The following FANCM variants were observed in gnomAD, a reference collection of about 807,000 sequenced individuals.
FANCM encodes FA complementation group M, also known as Fanconi anemia group M protein.
A neutral mutation model predicts 199.5 loss-of-function variants in FANCM; 140 were observed. The observed-to-expected ratio is 0.70, with a 90% CI of 0.61 to 0.81. The LOEUF (loss-of-function observed/expected upper bound fraction) is 0.81, where lower values mean the gene tolerates loss of function less well. Among genes scored for constraint, FANCM ranks in the 30% least tolerant of loss-of-function variants. The pLI, the probability that FANCM is intolerant of heterozygous loss-of-function variation, is 0.00. For synonymous variants in FANCM, 840 were observed against 836.8 expected (o/e 1.00, Z -0.07); for missense variants, 2,410 against 2,421.4 (o/e 1.00, Z 0.10).
intron 12 of FANCM, 135 bp from the exon 13 acceptor site, chr14:45,172,920 G>T: frequency 1.5e-6 from 1 of 655,338 alleles, no homozygotes; most frequent in Non-Finnish European, 2.7e-6. Context: ...TTTTTCTTCT[G>T]AGATTTTAGT....
chr14:45,174,993 A>G, intron 13 of FANCM, 78 bp from the exon 14 acceptor site: 1 of 776,842 alleles, frequency 1.3e-6, no homozygotes, highest in South Asian at 1.6e-5. Flanking sequence ...TTTAATATAG[A>G]GTGAAACTCC....
chr14:45,166,655 A>G (rs1429820521), intron 10 of FANCM, among the ~76,000 whole-genome samples: 1 of 151,924 alleles, frequency 6.6e-6, no homozygotes, highest in Non-Finnish European at 1.5e-5. Context: ...TCACACCTGT[A>G]GTCCCAGCTA....
rs1277916205 is a variant in FANCM, at chr14:45,185,292, AATG to A, written c.4596_4598del (p.Asp1532del). 4.4e-6 allele frequency: 7 copies of A among 1,598,566 alleles called. No individual in the cohort carries two copies. Among genetic ancestry groups the A allele is most frequent in the Admixed American group, 3.3e-5 (2 of 59,722 alleles). On this transcript the variant is annotated inframe_deletion, in exon 18 of 23. Transcript: ENST00000267430. Reference sequence around the variant, plus strand: ...TGCAGAATATGTTTCATCAGATGAAAATGATGAGTCAGAAAATGAACAAGATTC... The same window carrying A: ...TGCAGAATATGTTTCATCAGATGAAAATGAGTCAGAAAATGAACAAGATTC...
intron 21 of FANCM, 124 bp downstream of exon 21, chr14:45,196,671 C>T: frequency 1.1e-6 from 1 of 910,886 alleles, no homozygotes; most frequent in Non-Finnish European, 1.7e-6. Flanking sequence ...TGGTGAATGT[C>T]ATTTCATATT....
chr14:45,198,565 T>TCGTCG, intron 21 of FANCM, 79 bp from the exon 22 acceptor site: 1 of 839,592 alleles, frequency 1.2e-6, no homozygotes, highest in South Asian at 2.5e-5. Context: ...TCTTGGGATT[T>TCGTCG]TAATAAAATA....
intron 10 of FANCM, 40 bp downstream of exon 10, chr14:45,164,605 T>C (rs1887836438): frequency 6.9e-7 from 1 of 1,457,948 alleles, no homozygotes; most frequent in Non-Finnish European, 9.5e-7. Context: ...CACTTGAAAT[T>C]TGAGAAATAC....
At chr14:45,174,887 A>T (rs1287673294) in intron 13 of FANCM, among the ~76,000 whole-genome samples, 184 bp from the exon 14 acceptor site, 2 of 152,148 alleles carry the variant, frequency 1.3e-5, no homozygotes, top group Admixed American at 1.3e-4. Flanking sequence ...TGATAACTTG[A>T]TAGTTTCACA....
rs989373566 is a variant in FANCM at position 45,173,215 on chromosome 14, G to C, written c.2316+5G>C. 1 of 1,612,870 alleles carries C rather than the reference G, an allele frequency of 6.2e-7. No homozygotes were observed. The highest frequency in any genetic ancestry group is 8.5e-7 in the Non-Finnish European group (1 of 1,179,004). On this transcript the variant is annotated splice_donor_5th_base_variant and intron_variant, in intron 13 of 22. Coordinates refer to ENST00000267430, the MANE Select transcript of FANCM (RefSeq NM_020937.4). ...GAGGGAATGAGACACGAAGAGGTGG[G>C]GTTTTATTGTAACTTTCTCTTGCTG...
intron 8 of FANCM, among the ~76,000 whole-genome samples, chr14:45,158,294 A>G (rs907015757): frequency 1.3e-5 from 2 of 152,154 alleles, no homozygotes; most frequent in African/African-American, 2.4e-5. Flanking sequence ...TTATACATCA[A>G]TCCATATTAG....
rs745533091 is a variant in FANCM at position 45,164,384 on chromosome 14, G to A, written c.1607G>A (p.Gly536Asp). Residue 536 changes from glycine to aspartate, a missense_variant, in exon 10 of 23, where the codon GGT becomes GAT. Gly to Asp is a moderately conservative substitution (Grantham distance 94). Coordinates refer to ENST00000267430, the MANE Select transcript of FANCM (RefSeq NM_020937.4). ...GTAGTGAAACAGTTTCGTGACGGTG[G>A]TTACAACACGCTGGTTTCTACCTGT... ...LEVVKQFRDG[G>D]YNTLVSTCVG... 2.5e-6 allele frequency: 4 copies of A among 1,613,004 alleles called. No individual in the cohort carries two copies. Among genetic ancestry groups the A allele is most frequent in the South Asian group, 1.1e-5 (1 of 91,018 alleles).
intron 8 of FANCM, among the ~76,000 whole-genome samples, chr14:45,155,966 G>C (rs1454736625): frequency 6.6e-6 from 1 of 152,146 alleles, no homozygotes; most frequent in Non-Finnish European, 1.5e-5. Context: ...GGAATGTTAA[G>C]AATAAGGTAC....
intron 9 of FANCM, among the ~76,000 whole-genome samples, chr14:45,160,587 G>C (rs1204897147): frequency 2.1e-5 from 3 of 142,706 alleles, no homozygotes; most frequent in African/African-American, 7.8e-5. Context: ...CTCTGTTGCC[G>C]AGGCTGGAGT....
rs761398438 is a variant in FANCM at position 45,136,232 on chromosome 14, G to T, written c.201G>T (p.Gln67His). Residue 67 changes from glutamine (Q) to histidine (H), a missense_variant, in exon 1 of 23, where the codon CAG becomes CAT. Physicochemically the swap from Gln to His is conservative, Grantham distance 24 (BLOSUM62 0). Coordinates refer to ENST00000267430, the MANE Select transcript of FANCM (RefSeq NM_020937.4). ...LLVAAYEAER[Q>H]LCLENGGFCT... ...TCGCGGCGTACGAGGCTGAGCGGCAGTTGTGTCTAGAGAATGGCGGGTTCT... is the reference window on the plus strand; with the variant it reads ...TCGCGGCGTACGAGGCTGAGCGGCATTTGTGTCTAGAGAATGGCGGGTTCT... 8.1e-6 allele frequency: 13 copies of T among 1,614,074 alleles called. No individual in the cohort carries two copies. Among genetic ancestry groups the T allele is most frequent in the East Asian group, 2.2e-5 (1 of 44,896 alleles).
intron 9 of FANCM, among the ~76,000 whole-genome samples, chr14:45,160,008 T>G (rs533495585): frequency 7.2e-4 from 109 of 150,352 alleles, no homozygotes; most frequent in East Asian, 2.3e-3. Context: ...TTTTGTTTTT[T>G]TTTTTTTTTT....
At chr14:45,173,355 C>A in intron 13 of FANCM, 145 bp downstream of exon 13, 1 of 720,460 alleles carries the variant, frequency 1.4e-6, no homozygotes, top group Non-Finnish European at 2.4e-6. Context: ...GAGTTTTCTG[C>A]CTTAAGAGAA....
chr14:45,148,815 A>T (rs1450911139), intron 3 of FANCM, 22 bp from the exon 4 acceptor site: 1 of 1,565,582 alleles, frequency 6.4e-7, no homozygotes, highest in Non-Finnish European at 8.8e-7. Flanking sequence ...GTTTATAATC[A>T]TACTTAATTG....
At chr14:45,152,224 T>A (rs1379777746) in intron 5 of FANCM, among the ~76,000 whole-genome samples, 1 of 151,946 alleles carries the variant, frequency 6.6e-6, no homozygotes, top group Non-Finnish European at 1.5e-5. Context: ...GAGAGAGGGT[T>A]TCATCATGTT....
At chr14:45,184,245 T>C (rs771427481) in intron 17 of FANCM, among the ~76,000 whole-genome samples, 9 of 152,248 alleles carry the variant, frequency 5.9e-5, no homozygotes, top group African/African-American at 9.6e-5. Context: ...TTCTTATTTG[T>C]ATCCAATTTT....
At chr14:45,183,309 G>GAT in intron 16 of FANCM, among the ~76,000 whole-genome samples, 1 of 152,210 alleles carries the variant, frequency 6.6e-6, no homozygotes, top group South Asian at 2.1e-4. Context: ...TCCTATAAGA[G>GAT]ATATGGTGAT....
Sources: allele counts gnomAD v4.1 joint callset (sites outside exome capture counted in the v4.1 genomes callset), GRCh38; gene constraint gnomAD v4.1.1; transcripts MANE v1.5; gene names NCBI Gene and HGNC (gene_info 2026-07-23, HGNC 2026-07-21).